The following FBN3 variants were observed in gnomAD, a reference collection of about 807,000 sequenced individuals.
The protein encoded by FBN3 is fibrillin-3.
In FBN3, 234 loss-of-function variants were observed where a neutral mutation model predicts 330.1. The ratio of observed to expected loss-of-function variants is 0.71; its 90% CI spans 0.64 to 0.79. The LOEUF is 0.79. Among genes scored for constraint, FBN3 ranks in the 30% least tolerant of loss-of-function variants. The pLI is 0.00. For synonymous variants in FBN3, 1,458 were observed against 1,517.3 expected (o/e 0.96, Z 0.91); for missense variants, 3,606 against 3,886.9 (o/e 0.93, Z 1.92).
At chr19:8,066,359 C>A in intron 63 of FBN3, 99 bp from the exon 64 acceptor site, 1 of 864,528 alleles carries the variant, frequency 1.2e-6, no homozygotes, top group Non-Finnish European at 1.8e-6. Context: ...AGATTCTGGC[C>A]AATCTCTAAA....
intron 29 of FBN3, 44 bp from the exon 30 acceptor site, chr19:8,115,684 G>A: frequency 6.2e-7 from 1 of 1,605,160 alleles, no homozygotes; most frequent in East Asian, 2.2e-5. Context: ...GGGTGCAGGG[G>A]TGACAGGAGA....
intron 30 of FBN3, among the ~76,000 whole-genome samples, chr19:8,113,479 C>T (rs1258289493): frequency 1.3e-5 from 2 of 152,092 alleles, no homozygotes; most frequent in Non-Finnish European, 2.9e-5. Flanking sequence ...ATCCTTCCAC[C>T]TCAATCTCCC....
chr19:8,104,028 C>G (rs2082385303), intron 38 of FBN3, among the ~76,000 whole-genome samples: 1 of 151,644 alleles, frequency 6.6e-6, no homozygotes, highest in Non-Finnish European at 1.5e-5. Flanking sequence ...GTCCCAGCCA[C>G]TTGGGAGGAT....
chr19:8,130,891 G>A lies in FBN3; in HGVS notation c.2044+344C>T, dbSNP rs1027604265. Among the ~76,000 whole-genome samples the A allele has an allele frequency of 7.3e-5, 11 of 151,626 alleles. No individual in the cohort carries two copies. The East Asian group carries it at 1.7e-3, about 24-fold the overall frequency. On this transcript the variant is annotated intron_variant, in intron 16 of 63. Transcript: ENST00000600128. ...TGGGGGGAGTTTTGGACACAGACAC[G>A]CATACAGGGAGAACACCATGTGAAG...
At chr19:8,135,935 T>TTGGGGGGGGGGGGGGCCGG in intron 13 of FBN3, 26 bp downstream of exon 13, 1 of 1,344,156 alleles carries the variant, frequency 7.4e-7, no homozygotes, top group Non-Finnish European at 1.0e-6. Context: ...CGGAAGCCCC[T>TTGGGGGGGGGGGGGGCCGG]GCCCACCCGC....
chr19:8,121,294 A>G lies in FBN3; in HGVS notation c.3175T>C (p.Tyr1059His). ...TTCATCAGCATGAAGCCACTCTCGT[A>G]GCCGGGAAAACACTCGCACTCAAAG... ...GSFECECFPG[Y>H]ESGFMLMKNC... The change falls in exon 25 of 64, where the codon TAC (tyrosine) becomes CAC (histidine). Residue 1059 changes from tyrosine to histidine, a missense_variant. Coordinates refer to ENST00000600128, the MANE Select transcript of FBN3 (RefSeq NM_032447.5). This position sits in a 1 kb window ranked among gnomAD's most constrained non-coding sequence, Gnocchi z 4.5. 6.2e-7 allele frequency: 1 copy of G among 1,612,824 alleles called. No individual in the cohort carries two copies. Among genetic ancestry groups the G allele is most frequent in the Admixed American group, 1.7e-5 (1 of 59,904 alleles).
intron 39 of FBN3, 76 bp from the exon 40 acceptor site, chr19:8,102,949 A>C: frequency 2.2e-6 from 3 of 1,370,728 alleles, no homozygotes; most frequent in Non-Finnish European, 3.1e-6. Flanking sequence ...AAGAGATAGG[A>C]ACTCCTTAAC....
chr19:8,106,751 G>A (rs1033797858), intron 37 of FBN3, among the ~76,000 whole-genome samples: 5 of 151,492 alleles, frequency 3.3e-5, no homozygotes, highest in African/African-American at 1.2e-4. Flanking sequence ...ATGGATGGAT[G>A]AATGGATGAA....
chr19:8,106,271 C>A (rs779225497), intron 37 of FBN3, 38 bp from the exon 38 acceptor site: 103 of 1,612,930 alleles, frequency 6.4e-5, no homozygotes, highest in Non-Finnish European at 8.1e-5. Flanking sequence ...GGGAGCTAAA[C>A]CCATGCAGAG....
chr19:8,135,936 G>GGGGGGGGGCCCCCCCCC, intron 13 of FBN3, 25 bp downstream of exon 13: 1 of 668,774 alleles, frequency 1.5e-6, no homozygotes, highest in Non-Finnish European at 2.4e-6. Context: ...GGAAGCCCCT[G>GGGGGGGGGCCCCCCCCC]CCCACCCGCC....
intron 47 of FBN3, among the ~76,000 whole-genome samples, chr19:8,092,039 G>A (rs1464816091): frequency 1.3e-5 from 2 of 152,070 alleles, no homozygotes; most frequent in Non-Finnish European, 2.9e-5. Flanking sequence ...TTAGCCGGGT[G>A]TGGTGGTGGG....
intron 13 of FBN3, 26 bp downstream of exon 13, chr19:8,135,935 T>TTGGGGGGGGGGGGC: frequency 5.4e-5 from 72 of 1,344,152 alleles, no homozygotes; most frequent in East Asian, 8.2e-5. Context: ...CGGAAGCCCC[T>TTGGGGGGGGGGGGC]GCCCACCCGC....
In FBN3 at chr19:8,115,554, G is replaced by A. The variant is rs373663921; in HGVS notation, c.3799C>T (p.Leu1267=). ...TKGSFVCHCQ[L]GYMVRKGATG... is the part of the protein sequence containing the mutation. ...GCCCCCTTCCTGACCATGTAGCCCA[G>A]CTGACAGTGGCAGACAAAGGAACCC... Residue 1267 remains leucine, a synonymous_variant, in exon 30 of 64, where the codon CTG becomes TTG. Coordinates refer to ENST00000600128, the MANE Select transcript of FBN3 (RefSeq NM_032447.5). 2.8e-5 allele frequency: 45 copies of A among 1,613,960 alleles called. No homozygotes were observed. The highest frequency in any genetic ancestry group is 3.6e-5 in the Non-Finnish European group (43 of 1,180,022).
intron 1 of FBN3, among the ~76,000 whole-genome samples, chr19:8,148,486 G>A (rs1002229413): frequency 1.3e-5 from 2 of 152,250 alleles, no homozygotes; most frequent in East Asian, 3.8e-4. Flanking sequence ...AGAGAAGAAG[G>A]AGGGGAAGAA....
Position 8,123,551 on chromosome 19 carries a change from G to T in FBN3, c.2995C>A (p.His999Asn). 1 of 1,614,174 alleles carries T rather than the reference G, an allele frequency of 6.2e-7. No homozygotes were observed. The highest frequency in any genetic ancestry group is 2.2e-5 in the East Asian group (1 of 44,878). Reference sequence around the variant, plus strand: ...CCCACCGTGTTTCTGCAGGTACCGTGCGTGCAGAGGCCAGGGAACACCTTG... The same window carrying T: ...CCCACCGTGTTTCTGCAGGTACCGTTCGTGCAGAGGCCAGGGAACACCTTG... ...ECKVFPGLCT[H>N]GTCRNTVGSF... The change falls in exon 24 of 64, where the codon CAC becomes AAC. Residue 999 changes from histidine (H) to asparagine (N), a missense_variant. His to Asn is a moderately conservative substitution (Grantham distance 68). Coordinates refer to ENST00000600128, the MANE Select transcript of FBN3 (RefSeq NM_032447.5).
Position 8,095,993 on chromosome 19 carries a change from A to G in FBN3, c.5627T>C (p.Phe1876Ser). 1 of 1,613,786 alleles carries G rather than the reference A, an allele frequency of 6.2e-7. No individual in the cohort carries two copies. The highest frequency in any genetic ancestry group is 2.2e-5 in the East Asian group (1 of 44,860). ...ACAATCCCCATTGTGTGTCACCACA[A>G]AGCCAGGGAAGCAGAGGCAGTTGTA... ...GSYNCLCFPG[F>S]VVTHNGDCVD... Residue 1876 changes from phenylalanine to serine, a missense_variant, in exon 45 of 64, where the codon TTT becomes TCT. Physicochemically the swap from Phe to Ser is radical, Grantham distance 155. Transcript: ENST00000600128.
chr19:8,090,481 G>T (rs78591078), intron 48 of FBN3, among the ~76,000 whole-genome samples: 18,382 of 132,802 alleles, frequency 0.14, 1,197 homozygotes, highest in African/African-American at 0.18. Context: ...GTTGGTGGTG[G>T]TGGTGGTTTT....
At chr19:8,123,355 G>GAA (rs977419445) in intron 24 of FBN3, 109 bp downstream of exon 24, 317 of 1,011,128 alleles carry the variant, frequency 3.1e-4, no homozygotes, top group South Asian at 4.3e-4. Context: ...ACTCCGTCTC[G>GAA]AAAAAAAAAA....
rs570520947 is a variant in FBN3, at chr19:8,117,188, G to C, written c.3567C>G (p.Pro1189=). Residue 1189 remains proline (P), a synonymous_variant, in exon 28 of 64, where the codon CCC becomes CCG. Transcript: ENST00000600128. Reference sequence around the variant, plus strand: ...ACCTACCTGCACATGCCCTTCCGTCGGGCATCAGCGAGTAGCCCTGCCCAC... The same window carrying C: ...ACCTACCTGCACATGCCCTTCCGTCCGGCATCAGCGAGTAGCCCTGCCCAC... The part of the protein sequence containing the change: ...CSCGQGYSLM[P]DGRACADVDE... 362 of 1,614,036 alleles carry C rather than the reference G, an allele frequency of 2.2e-4. 6 individuals are homozygous for C. The South Asian group carries it at 3.8e-3, about 17-fold the overall frequency.
Sources: gnomAD v4.1 joint callset for allele counts (sites outside exome capture counted in the v4.1 genomes callset) on GRCh38, gnomAD v4.1.1 for gene constraint, Gnocchi (gnomAD v3.1) non-coding constraint, MANE v1.5 for transcripts, NCBI Gene and HGNC (gene_info 2026-07-23, HGNC 2026-07-21) for gene names.